Variants in TECTA observed in about 807,000 individuals in gnomAD.
TECTA encodes tectorin alpha.
In TECTA, 128 loss-of-function variants were observed where a neutral mutation model predicts 216.8. The observed-to-expected ratio is 0.59, with a 90% CI of 0.51 to 0.68. The LOEUF is 0.68. Ranked by LOEUF, TECTA falls within the 30% of genes least tolerant of loss-of-function variation. The pLI is 0.00. For missense variants in TECTA, 2,551 were observed against 2,786.2 expected (o/e 0.92, Z 1.90); for synonymous variants, 1,089 against 1,117.1 (o/e 0.97, Z 0.50).
chr11:121,176,255 G>A (rs7952274), intron 20 of TECTA, among the ~76,000 whole-genome samples: 801 of 150,014 alleles, frequency 5.3e-3, no homozygotes, highest in African/African-American at 0.017. Flanking sequence ...TATTTTGCTC[G>A]TTAGTTGATG....
rs1946907857 is a variant in TECTA, at chr11:121,153,060, T to G, written c.4285T>G (p.Ser1429Ala). Residue 1429 changes from serine to alanine, a missense_variant, in exon 13 of 24, where the codon TCC (serine) becomes GCC (alanine). Ser to Ala is a moderately conservative substitution (Grantham distance 99). Coordinates refer to ENST00000392793, the MANE Select transcript of TECTA (RefSeq NM_005422.4). Reference sequence around the variant, plus strand: ...CCTGCCCCACAGCTGCGGCTGCTACTCCGATGGCAAATATTACGAGGTATG... The same window carrying G: ...CCTGCCCCACAGCTGCGGCTGCTACGCCGATGGCAAATATTACGAGGTATG... ...CILPHSCGCY[S>A]DGKYYEPKQL... The G allele has an allele frequency of 1.2e-6, 2 of 1,613,946 alleles. No homozygotes were observed. Among genetic ancestry groups the G allele is most frequent in the African/African-American group, 2.7e-5 (2 of 74,946 alleles).
At chr11:121,129,355 A>G (rs139819946) in intron 9 of TECTA, among the ~76,000 whole-genome samples, 2 of 152,374 alleles carry the variant, frequency 1.3e-5, no homozygotes, top group African/African-American at 4.8e-5. Context: ...GGAGCCACGT[A>G]TCTAAGACGA....
chr11:121,190,243 C>T (rs1298910513), intron 23 of TECTA: 16 of 363,096 alleles, frequency 4.4e-5, no homozygotes, highest in East Asian at 3.5e-4. Flanking sequence ...ATATGGTTTC[C>T]CTGACCTCTT....
chr11:121,179,683 T>C (rs767059522), intron 20 of TECTA, among the ~76,000 whole-genome samples: 5 of 152,202 alleles, frequency 3.3e-5, no homozygotes, highest in Non-Finnish European at 7.4e-5. Context: ...ATATTTGCTT[T>C]ACATATTTGG....
chr11:121,138,370 C>T (rs1282377426), intron 11 of TECTA, among the ~76,000 whole-genome samples: 2 of 152,194 alleles, frequency 1.3e-5, no homozygotes, highest in Non-Finnish European at 2.9e-5. Context: ...GTCACTTAAC[C>T]TCCTAGCTTG....
chr11:121,156,116 T>A (rs562910111), intron 13 of TECTA, among the ~76,000 whole-genome samples: 1 of 152,312 alleles, frequency 6.6e-6, no homozygotes, highest in South Asian at 2.1e-4. Flanking sequence ...GTGTGTTTTA[T>A]ACATCTTATT....
intron 20 of TECTA, among the ~76,000 whole-genome samples, chr11:121,178,572 T>A (rs1304930807): frequency 2.1e-5 from 3 of 145,932 alleles, no homozygotes; most frequent in Non-Finnish European, 3.1e-5. Flanking sequence ...GGTGTCCTGG[T>A]CTAGTTTTGA....
At chr11:121,167,625 G>A (rs959013939) in intron 18 of TECTA, among the ~76,000 whole-genome samples, 1 of 152,194 alleles carries the variant, frequency 6.6e-6, no homozygotes, top group Admixed American at 6.5e-5. Context: ...GAGTAAGGAG[G>A]TGAAACTTGC....
chr11:121,189,029 A>G, intron 21 of TECTA, 51 bp from the exon 22 acceptor site: 4 of 1,584,522 alleles, frequency 2.5e-6, no homozygotes, highest in Non-Finnish European at 3.5e-6. Flanking sequence ...GTGAAGAATA[A>G]GTTATCAGCT....
intron 20 of TECTA, among the ~76,000 whole-genome samples, chr11:121,184,671 A>C (rs1947263143): frequency 6.6e-6 from 1 of 152,248 alleles, no homozygotes; most frequent in South Asian, 2.1e-4. Context: ...TCAAGGTCAC[A>C]CAACTATCAA....
Position 121,137,239 on chromosome 11 carries a change from C to T in TECTA, c.2942-182C>T, listed in dbSNP as rs4936581. 0.26 allele frequency among the ~76,000 whole-genome samples: 39,561 copies of T among 152,030 alleles called. 6,352 individuals carry two copies. Among genetic ancestry groups the T allele is most frequent in the African/African-American group, 0.45 (18,552 of 41,470 alleles). On this transcript the variant is annotated intron_variant, in intron 10 of 23. Transcript: ENST00000392793. ...ACACATGCATGCACACACATGCACT[C>T]GCACACACGCACGTGCACACACACA...
intron 11 of TECTA, among the ~76,000 whole-genome samples, chr11:121,142,758 T>C (rs886614029): frequency 2.0e-5 from 3 of 152,160 alleles, no homozygotes; most frequent in African/African-American, 4.8e-5. Flanking sequence ...TGACTGTCAC[T>C]GCACCTCTCC....
intron 3 of TECTA, among the ~76,000 whole-genome samples, chr11:121,107,418 A>G (rs1946400853): frequency 1.3e-5 from 2 of 152,176 alleles, no homozygotes; most frequent in South Asian, 2.1e-4. Context: ...GATGTTCCCA[A>G]TTACTGGAAG....
intron 10 of TECTA, among the ~76,000 whole-genome samples, chr11:121,136,127 T>C (rs1313297368): frequency 6.6e-6 from 1 of 151,866 alleles, no homozygotes; most frequent in African/African-American, 2.4e-5. Flanking sequence ...CCTGGCTAAT[T>C]TTTTTTGTAT....
At chr11:121,159,878 C>T (rs1454928760) in intron 14 of TECTA, among the ~76,000 whole-genome samples, 1 of 152,194 alleles carries the variant, frequency 6.6e-6, no homozygotes, top group Non-Finnish European at 1.5e-5. Flanking sequence ...TGAGTGAATG[C>T]CTTTAAACTC....
Position 121,168,387 on chromosome 11 carries a change from G to A in TECTA, c.5750+170G>A, listed in dbSNP as rs7941529. The A allele has an allele frequency of 7.3e-3, 7,218 of 983,986 alleles. 52 individuals are homozygous for A. Among genetic ancestry groups the A allele is most frequent in the Middle Eastern group, 0.028 (88 of 3,182 alleles). 61.0% of individuals were successfully genotyped at this position (983,986 alleles called of 1,614,324 possible). ...ATTGTTCAATAGAACTCTCTGTGAC[G>A]ATGGAAATATTCCATCTGTACTGTT... On this transcript the variant is annotated intron_variant, in intron 19 of 23. Coordinates refer to ENST00000392793, the MANE Select transcript of TECTA (RefSeq NM_005422.4).
intron 13 of TECTA, among the ~76,000 whole-genome samples, chr11:121,154,690 C>T (rs924390364): frequency 1.3e-5 from 2 of 152,156 alleles, no homozygotes; most frequent in African/African-American, 4.8e-5. Flanking sequence ...ACTGAGCAAA[C>T]GCTGTCATTT....
intron 17 of TECTA, 126 bp from the exon 18 acceptor site, chr11:121,166,452 T>C: frequency 4.4e-6 from 4 of 914,642 alleles, no homozygotes; most frequent in Non-Finnish European, 7.0e-6. Flanking sequence ...TAATTAGAAA[T>C]GCTGCAGCCT....
At position 121,137,886 on chromosome 11, in the gene TECTA, A is replaced by G; in HGVS notation, c.3407A>G (p.Asp1136Gly). 1 of 1,602,092 alleles carries G rather than the reference A, an allele frequency of 6.2e-7. No homozygotes were observed. Among genetic ancestry groups the G allele is most frequent in the Non-Finnish European group, 8.5e-7 (1 of 1,170,698 alleles). ...ACCACAGGAAGCAGGCCAAGCTCAG[A>G]CTCTTTCCCCAAGTTTGTTGTCACA... ...LCTTGSRPSSDSFPKFVVTAK... is the reference protein window; with the variant it reads ...LCTTGSRPSSGSFPKFVVTAK... Residue 1136 changes from aspartate to glycine, a missense_variant, in exon 11 of 24, where the codon GAC (aspartate) becomes GGC (glycine). Asp to Gly is a moderately conservative substitution (Grantham distance 94). Transcript: ENST00000392793.
Sources: allele counts gnomAD v4.1 joint callset (sites outside exome capture counted in the v4.1 genomes callset), GRCh38; gene constraint gnomAD v4.1.1; transcripts MANE v1.5; gene names NCBI Gene and HGNC (gene_info 2026-07-23, HGNC 2026-07-21).